The following RABGAP1 variants were observed in gnomAD, a reference collection of about 807,000 sequenced individuals.
RABGAP1 encodes the protein RAB GTPase activating protein 1.
In RABGAP1, 23 loss-of-function variants were observed where a neutral mutation model predicts 137.6. The ratio of observed to expected loss-of-function variants is 0.17; its 90% CI spans 0.12 to 0.24. The LOEUF is 0.24. Ranked by LOEUF, RABGAP1 falls within the 10% of genes least tolerant of loss-of-function variation. The pLI, the probability that RABGAP1 is intolerant of heterozygous loss-of-function variation, is 1.00. For synonymous variants in RABGAP1, 451 were observed against 450.7 expected, an observed-to-expected ratio of 1.00 and a Z score of -0.01; for missense variants, 906 against 1,275.8, an observed-to-expected ratio of 0.71 and a Z score of 4.42.
chr9:123,102,970 G>C, intron 25 of RABGAP1, 121 bp from the exon 26 acceptor site: 1 of 1,323,100 alleles, frequency 7.6e-7, no homozygotes, highest in Non-Finnish European at 9.9e-7. Flanking sequence ...TTGGAGACTG[G>C]GGGAATTCCC....
chr9:123,043,562 T>A (rs1399052401), intron 13 of RABGAP1, among the ~76,000 whole-genome samples: 1 of 151,770 alleles, frequency 6.6e-6, no homozygotes, highest in African/African-American at 2.4e-5. Flanking sequence ...TATGTGTTGC[T>A]GTGTATAGTT....
At chr9:123,082,566 G>A (rs960746276) in intron 19 of RABGAP1, among the ~76,000 whole-genome samples, 1 of 152,178 alleles carries the variant, frequency 6.6e-6, no homozygotes, top group African/African-American at 2.4e-5. Context: ...GACATATGAG[G>A]CTAGTTTAGA....
At chr9:123,101,477 C>A in intron 24 of RABGAP1, 89 bp from the exon 25 acceptor site, 1 of 1,258,988 alleles carries the variant, frequency 7.9e-7, no homozygotes, top group Non-Finnish European at 1.1e-6. Flanking sequence ...GAGAAGCCGT[C>A]TCTTGGTGTC....
chr9:123,074,872 CAA>C, intron 17 of RABGAP1, among the ~76,000 whole-genome samples: 2 of 152,250 alleles, frequency 1.3e-5, no homozygotes, highest in Middle Eastern at 6.8e-3. Flanking sequence ...CCTCTGTTTT[CAA>C]AAGAGACTTC....
intron 2 of RABGAP1, among the ~76,000 whole-genome samples, chr9:122,982,109 T>C (rs1836099502): frequency 6.6e-6 from 1 of 152,118 alleles, no homozygotes; most frequent in African/African-American, 2.4e-5. Context: ...GGAATTGGAT[T>C]GAAGGTTCAC....
chr9:123,071,985 C>T (rs899905616), intron 15 of RABGAP1, among the ~76,000 whole-genome samples: 8 of 152,140 alleles, frequency 5.3e-5, no homozygotes, highest in African/African-American at 1.9e-4. Flanking sequence ...CTGAATCTTG[C>T]TTTTCTAAGC....
At chr9:122,981,906 G>C (rs1270370217) in intron 2 of RABGAP1, among the ~76,000 whole-genome samples, 3 of 152,138 alleles carry the variant, frequency 2.0e-5, no homozygotes, top group African/African-American at 7.2e-5. Flanking sequence ...AAAACTAGCT[G>C]GGTGTGTTGG....
Position 122,984,698 on chromosome 9 carries a change from C to T in RABGAP1, c.364C>T (p.Pro122Ser), listed in dbSNP as rs552313132. 80 of 1,613,830 alleles carry T rather than the reference C, an allele frequency of 5.0e-5. No individual in the cohort carries two copies. The South Asian group carries it at 7.4e-4, about 15-fold the overall frequency. Residue 122 changes from proline to serine, a missense_variant, in exon 3 of 26, where the codon CCA becomes TCA. By Grantham distance (74) the Pro-to-Ser change is moderately conservative. Transcript: ENST00000373647. ...GCTCCAAAAACCAGAGATGAGCCTA[C>T]CAGTGAAACCTGGACAAGGAGGTTA... is the stretch of plus-strand genomic sequence containing the variant. ...VGLQKPEMSLPVKPGQGDSEA... is the reference protein window; with the variant it reads ...VGLQKPEMSLSVKPGQGDSEA...
At chr9:123,021,608 G>T (rs1435797826) in intron 13 of RABGAP1, among the ~76,000 whole-genome samples, 1 of 152,078 alleles carries the variant, frequency 6.6e-6, no homozygotes, top group Non-Finnish European at 1.5e-5. Flanking sequence ...GGTGTGAGCT[G>T]CCTCACCTGG....
chr9:123,034,110 G>A (rs116114874), intron 13 of RABGAP1: 2,635 of 167,882 alleles, frequency 0.016, 83 homozygotes, highest in African/African-American at 0.06. Flanking sequence ...GAGCTAGCCA[G>A]GTTCTTTGAT....
At chr9:122,960,269 C>G (rs1834780829) in intron 2 of RABGAP1, among the ~76,000 whole-genome samples, 1 of 152,194 alleles carries the variant, frequency 6.6e-6, no homozygotes, top group Admixed American at 6.5e-5. Flanking sequence ...GTTTGATTGA[C>G]TTAGACTATG....
intron 1 of RABGAP1, among the ~76,000 whole-genome samples, chr9:122,950,797 C>G (rs559584399): frequency 1.9e-4 from 29 of 152,110 alleles, no homozygotes; most frequent in Middle Eastern, 3.4e-3. Flanking sequence ...TATCAGCATA[C>G]AATAGAAAGC....
At chr9:123,026,619 A>G (rs551709344) in intron 13 of RABGAP1, among the ~76,000 whole-genome samples, 1 of 152,292 alleles carries the variant, frequency 6.6e-6, no homozygotes, top group South Asian at 2.1e-4. Context: ...TCAGACTCAG[A>G]GGGAAGAAAG....
At chr9:123,086,861 T>A (rs902398049) in intron 19 of RABGAP1, among the ~76,000 whole-genome samples, 1 of 152,116 alleles carries the variant, frequency 6.6e-6, no homozygotes, top group African/African-American at 2.4e-5. Context: ...TGAGGACTGA[T>A]TCGGAAGTAA....
chr9:122,993,715 G>A (rs186751964), intron 6 of RABGAP1, among the ~76,000 whole-genome samples: 150 of 152,264 alleles, frequency 9.9e-4, no homozygotes, highest in African/African-American at 3.4e-3. Context: ...CCACGCTGGC[G>A]TACAGTGGCG....
chr9:123,094,394 T>C (rs951469663), intron 21 of RABGAP1, among the ~76,000 whole-genome samples: 26 of 152,166 alleles, frequency 1.7e-4, no homozygotes, highest in African/African-American at 6.3e-4. Flanking sequence ...TTGTCATGAA[T>C]GGGTGTTGAA....
At position 122,957,052 on chromosome 9, in the gene RABGAP1, C is replaced by G. The variant is rs762342444; in HGVS notation, c.-8C>G. 1 of 1,494,096 alleles carries G rather than the reference C, an allele frequency of 6.7e-7. No homozygotes were observed. The highest frequency in any genetic ancestry group is 9.1e-7 in the Non-Finnish European group (1 of 1,102,428). The allele number at this position is 1,494,096 out of a possible 1,614,324, so 92.6% of individuals were successfully genotyped here. A position where few individuals can be genotyped will look rare whatever the true frequency, so the allele number is the denominator to read the frequency against. Reference sequence around the variant, plus strand: ...AATCATTCATGTGTTGAGACTCATTCTTGAGTTATGGATGACAAGGCTTCT... The same window carrying G: ...AATCATTCATGTGTTGAGACTCATTGTTGAGTTATGGATGACAAGGCTTCT... On this transcript the variant is annotated 5_prime_UTR_variant, in exon 2 of 26. Transcript: ENST00000373647.
intron 1 of RABGAP1, among the ~76,000 whole-genome samples, chr9:122,955,043 G>A (rs145825806): frequency 3.9e-5 from 6 of 152,222 alleles, no homozygotes; most frequent in Admixed American, 2.6e-4. Flanking sequence ...GGGTGAGAAC[G>A]GGCAAGTGGA....
intron 10 of RABGAP1, among the ~76,000 whole-genome samples, chr9:123,006,726 G>A: frequency 6.6e-6 from 1 of 152,110 alleles, no homozygotes; most frequent in East Asian, 1.9e-4. Context: ...TCCCACCTCA[G>A]CTTCCCGAGT....
Sources: allele counts gnomAD v4.1 joint callset (sites outside exome capture counted in the v4.1 genomes callset), GRCh38; gene constraint gnomAD v4.1.1; transcripts MANE v1.5; gene names NCBI Gene and HGNC (gene_info 2026-07-23, HGNC 2026-07-21).